Variants in DPP6 observed in about 807,000 individuals in gnomAD.
DPP6 encodes A-type potassium channel modulatory protein DPP6.
A neutral mutation model predicts 122.6 loss-of-function variants in DPP6; 69 were observed. The ratio of observed to expected loss-of-function variants is 0.56; its 90% confidence interval spans 0.46 to 0.69. The LOEUF (loss-of-function observed/expected upper bound fraction) is 0.69. DPP6 is among the 30% of genes least tolerant of loss of function. DPP6 has a pLI of 0.00. For missense variants in DPP6, 928 were observed against 1,116.9 expected, an observed-to-expected ratio of 0.83 and a Z score of 2.41; for synonymous variants, 418 against 433.1, an observed-to-expected ratio of 0.97 and a Z score of 0.43.
chr7:154,286,334 G>A (rs969006861), intron 1 of DPP6, among the ~76,000 whole-genome samples: 8 of 152,022 alleles, frequency 5.3e-5, no homozygotes, highest in African/African-American at 1.7e-4. Context: ...CTGAACTCAC[G>A]GTCTGCAACT....
At chr7:154,094,540 T>C (rs111382609) in intron 1 of DPP6, 1 of 152,416 alleles carries the variant, frequency 6.6e-6, no homozygotes, top group East Asian at 1.9e-4. Flanking sequence ...GAGGCATGGC[T>C]GGGAGGCATG....
At chr7:153,942,956 T>A (rs1006051039) in intron 1 of DPP6, among the ~76,000 whole-genome samples, 9 of 152,196 alleles carry the variant, frequency 5.9e-5, no homozygotes, top group African/African-American at 1.9e-4. Context: ...TTCTCTCTGA[T>A]GCATGGTTGA....
chr7:154,069,495 C>T (rs1802966339), intron 1 of DPP6, among the ~76,000 whole-genome samples: 1 of 150,886 alleles, frequency 6.6e-6, no homozygotes, highest in Non-Finnish European at 1.5e-5. Flanking sequence ...AAGTCTTTGG[C>T]CCATTATTTA....
the DPP6 span, among the ~76,000 whole-genome samples, chr7:153,860,599 C>T: frequency 6.6e-6 from 1 of 151,960 alleles, no homozygotes; most frequent in African/African-American, 2.4e-5. Context: ...AATGACAAGC[C>T]CCAGGTACTG....
At chr7:154,003,171 C>G (rs1374642773) in intron 1 of DPP6, among the ~76,000 whole-genome samples, 1 of 152,212 alleles carries the variant, frequency 6.6e-6, no homozygotes, top group African/African-American at 2.4e-5. Context: ...TTTACAAGAA[C>G]TGCTTTGCTC....
At chr7:154,380,913 G>A (rs561092623) in intron 1 of DPP6, among the ~76,000 whole-genome samples, 3 of 152,332 alleles carry the variant, frequency 2.0e-5, no homozygotes, top group South Asian at 2.1e-4. Flanking sequence ...GGGTGAGTGG[G>A]TGAGGAGAGA....
chr7:153,863,274 T>G, the DPP6 span, among the ~76,000 whole-genome samples: 1 of 152,234 alleles, frequency 6.6e-6, no homozygotes, highest in Non-Finnish European at 1.5e-5. Context: ...TCATCCTTTT[T>G]TATGGCTGCA....
At chr7:154,380,723 T>C (rs576835155) in intron 1 of DPP6, among the ~76,000 whole-genome samples, 20 of 152,286 alleles carry the variant, frequency 1.3e-4, no homozygotes, top group Non-Finnish European at 2.5e-4. Context: ...CACAGTCCAG[T>C]GTCTGGGCTG....
chr7:154,748,962 G>A (rs1843173403), intron 8 of DPP6, among the ~76,000 whole-genome samples: 1 of 152,248 alleles, frequency 6.6e-6, no homozygotes, highest in African/African-American at 2.4e-5. Context: ...AAGCAGGATG[G>A]CATGGAAAGG....
intron 1 of DPP6, among the ~76,000 whole-genome samples, chr7:154,441,205 G>A (rs1819342999): frequency 6.6e-6 from 1 of 152,092 alleles, no homozygotes; most frequent in African/African-American, 2.4e-5. Flanking sequence ...TAAAGCTCAG[G>A]ATGCAACAAG....
chr7:154,373,764 C>T lies in DPP6; in HGVS notation c.244-72450C>T, dbSNP rs148380411. 5.4e-3 allele frequency among the ~76,000 whole-genome samples: 824 copies of T among 152,230 alleles called. 6 individuals carry two copies. Among genetic ancestry groups the T allele is most frequent in the African/African-American group, 0.019 (784 of 41,538 alleles). ...TTTTCCTTATCCCGAACGGAAACTG[C>T]GCTAATTCAACACGCGCTCCCCATT... On this transcript the variant is annotated intron_variant, in intron 1 of 25. Transcript: ENST00000377770.
intron 19 of DPP6, among the ~76,000 whole-genome samples, chr7:154,873,321 C>T (rs1462334326): frequency 3.9e-5 from 6 of 152,186 alleles, no homozygotes; most frequent in Non-Finnish European, 5.9e-5. Context: ...GATGTCCACG[C>T]GCTGACACCG....
At chr7:153,774,955 C>T in the DPP6 span, among the ~76,000 whole-genome samples, 2 of 151,130 alleles carry the variant, frequency 1.3e-5, no homozygotes, top group Admixed American at 6.6e-5. Context: ...TTCTGGGTAA[C>T]AGAGCAAGAC....
chr7:154,251,116 G>C (rs79386699), intron 1 of DPP6, among the ~76,000 whole-genome samples: 5,936 of 152,286 alleles, frequency 0.039, 183 homozygotes, highest in East Asian at 0.13. Context: ...CTGCGGGAAT[G>C]CTGTTATTTT....
At chr7:154,277,985 C>T (rs1282359737) in intron 1 of DPP6, among the ~76,000 whole-genome samples, 1 of 152,106 alleles carries the variant, frequency 6.6e-6, no homozygotes, top group East Asian at 1.9e-4. Flanking sequence ...ACGGCTTTGC[C>T]CACACTCAAG....
In DPP6 at chr7:154,241,344, G is replaced by A. The variant is rs140970805; in HGVS notation, c.243+188281G>A. On this transcript the variant is annotated intron_variant, in intron 1 of 25. Transcript: ENST00000377770. This position sits in a 1 kb window ranked among gnomAD's most constrained non-coding sequence, Gnocchi z 9.0. The stretch of plus-strand genomic sequence containing the variant: ...GTACTAAATAGGAGAGTACCTTCCT[G>A]TGTTTCCCTGTTTTATCCAAATTCT... Among the ~76,000 whole-genome samples the A allele has an allele frequency of 8.7e-4, 133 of 152,182 alleles. No individual in the cohort carries two copies. The highest frequency in any genetic ancestry group is 3.1e-3 in the African/African-American group (130 of 41,516).
chr7:153,958,267 AG>A (rs2129026616), intron 1 of DPP6, among the ~76,000 whole-genome samples: 1 of 152,322 alleles, frequency 6.6e-6, no homozygotes, highest in African/African-American at 2.4e-5. Flanking sequence ...AGGCAGGCGC[AG>A]GGCTGGGGGA....
intron 1 of DPP6, among the ~76,000 whole-genome samples, chr7:153,905,914 G>A (rs941816716): frequency 4.6e-5 from 7 of 152,168 alleles, no homozygotes; most frequent in Non-Finnish European, 7.4e-5. Context: ...GCTAATAATA[G>A]CGAAGCCATA....
At chr7:154,515,128 T>C (rs574132546) in intron 3 of DPP6, among the ~76,000 whole-genome samples, 1 of 152,312 alleles carries the variant, frequency 6.6e-6, no homozygotes, top group East Asian at 1.9e-4. Context: ...TCAATGGAAA[T>C]AGAGTTATTT....
Sources: allele counts gnomAD v4.1 joint callset (sites outside exome capture counted in the v4.1 genomes callset), GRCh38; gene constraint gnomAD v4.1.1; non-coding constraint Gnocchi (gnomAD v3.1); transcripts MANE v1.5; gene names NCBI Gene and HGNC (gene_info 2026-07-23, HGNC 2026-07-21).